REEP3: variants seen among roughly 807,000 people sequenced by gnomAD.
REEP3 encodes the protein receptor accessory protein 3, also known as receptor expression-enhancing protein 3.
A neutral mutation model predicts 41.3 loss-of-function variants in REEP3; 20 were observed. The ratio of observed to expected loss-of-function variants is 0.48; its 90% CI spans 0.34 to 0.70. The LOEUF (loss-of-function observed/expected upper bound fraction) is 0.70, where lower values mean the gene tolerates loss of function less well. Among genes scored for constraint, REEP3 ranks in the 30% least tolerant of loss-of-function variants. REEP3 has a pLI of 0.01. For synonymous variants in REEP3, 104 were observed against 101.8 expected, an observed-to-expected ratio of 1.02 and a Z score of -0.13; for missense variants, 271 against 308.8, an observed-to-expected ratio of 0.88 and a Z score of 0.92.
chr10:63,555,640 C>T (rs1396717927), intron 1 of REEP3, among the ~76,000 whole-genome samples: 3 of 152,170 alleles, frequency 2.0e-5, no homozygotes, highest in African/African-American at 7.2e-5. Context: ...AAGGATAGAG[C>T]GTGGCAAAAG....
At chr10:63,569,284 A>G (rs1464065706) in intron 2 of REEP3, among the ~76,000 whole-genome samples, 1 of 152,166 alleles carries the variant, frequency 6.6e-6, no homozygotes, top group Non-Finnish European at 1.5e-5. Context: ...TTATTAAATT[A>G]GATCTTTTTT....
rs772554479 is a variant in REEP3 at position 63,594,824 on chromosome 10, T to G, written c.152T>G (p.Ile51Ser). The change falls in exon 3 of 8, where the codon ATT becomes AGT. Residue 51 changes from isoleucine to serine, a missense_variant. Ile to Ser is a moderately radical substitution (Grantham distance 142). Coordinates refer to ENST00000373758, the MANE Select transcript of REEP3 (RefSeq NM_001001330.3). ...ATTGTTTTTGCTCTCTATACTGTGA[T>G]TGAAACAGTAGCCGATCAAACAGTT... is the stretch of plus-strand genomic sequence containing the variant. ...YWIVFALYTV[I>S]ETVADQTVAW... 6.2e-7 allele frequency: 1 copy of G among 1,612,122 alleles called. No homozygotes were observed. The highest frequency in any genetic ancestry group is 1.3e-5 in the African/African-American group (1 of 74,890).
intron 1 of REEP3, among the ~76,000 whole-genome samples, chr10:63,545,700 T>G (rs1334807798): frequency 6.9e-6 from 1 of 144,448 alleles, no homozygotes; most frequent in African/African-American, 2.6e-5. Context: ...TTTTTTTTTT[T>G]TTTTTGAGAT....
chr10:63,525,280 GA>G (rs1045785324), intron 1 of REEP3, among the ~76,000 whole-genome samples: 10 of 152,184 alleles, frequency 6.6e-5, no homozygotes, highest in Non-Finnish European at 1.2e-4. Flanking sequence ...TTTCTTAGAA[GA>G]GGCAAAGGGA....
intron 1 of REEP3, among the ~76,000 whole-genome samples, chr10:63,558,376 T>C (rs1955709748): frequency 6.6e-6 from 1 of 151,962 alleles, no homozygotes; most frequent in Non-Finnish European, 1.5e-5. Flanking sequence ...GAAGGAGGAG[T>C]AGCACAGTTA....
chr10:63,590,565 A>G (rs1956052018), intron 2 of REEP3, among the ~76,000 whole-genome samples: 1 of 151,904 alleles, frequency 6.6e-6, no homozygotes, highest in South Asian at 2.1e-4. Context: ...ACTAGGCTAC[A>G]TAGAAGGGAG....
intron 5 of REEP3, among the ~76,000 whole-genome samples, chr10:63,605,309 G>A (rs954487824): frequency 1.3e-5 from 2 of 152,166 alleles, no homozygotes; most frequent in Non-Finnish European, 2.9e-5. Context: ...TGCAAATGCA[G>A]TCAATTCCAT....
intron 1 of REEP3, among the ~76,000 whole-genome samples, chr10:63,552,585 A>G (rs1329663777): frequency 1.3e-5 from 2 of 152,190 alleles, no homozygotes; most frequent in African/African-American, 2.4e-5. Context: ...TTTTCTCCCT[A>G]GCAGAACAGT....
rs1426224758 is a variant in REEP3, at chr10:63,624,548, TATAAA to T, written c.*3685_*3689del. On this transcript the variant is annotated 3_prime_UTR_variant, in exon 8 of 8. Transcript: ENST00000373758. ...CAGGTGTGTTTTTTGATAACTTTAATATAAAATAAACTCATTTTATTTGTGGCAAT... is the reference window on the plus strand; with the variant it reads ...CAGGTGTGTTTTTTGATAACTTTAATATAAACTCATTTTATTTGTGGCAAT... The T allele has an allele frequency of 6.6e-6, 1 of 152,160 alleles. No homozygotes were observed. The highest frequency in any genetic ancestry group is 2.4e-5 in the African/African-American group (1 of 41,468). The allele number at this position is 152,160 out of a possible 1,614,324, so 9.4% of individuals were successfully genotyped here.
intron 5 of REEP3, among the ~76,000 whole-genome samples, chr10:63,606,308 CTCTG>C (rs939631492): frequency 2.7e-5 from 4 of 150,666 alleles, no homozygotes; most frequent in Non-Finnish European, 5.9e-5. Context: ...CTTTCTCTCT[CTCTG>C]TCTCTCTCTT....
intron 1 of REEP3, among the ~76,000 whole-genome samples, chr10:63,555,573 T>C (rs1955670517): frequency 6.6e-6 from 1 of 152,210 alleles, no homozygotes; most frequent in African/African-American, 2.4e-5. Flanking sequence ...TAGTCTACTC[T>C]TTGTAACTCT....
At chr10:63,531,513 C>A (rs1955420985) in intron 1 of REEP3, among the ~76,000 whole-genome samples, 2 of 152,110 alleles carry the variant, frequency 1.3e-5, no homozygotes, top group South Asian at 4.2e-4. Context: ...ATGGAGAGGG[C>A]ATGAGGCTAA....
chr10:63,587,793 T>C (rs1358007344), intron 2 of REEP3, among the ~76,000 whole-genome samples: 1 of 152,192 alleles, frequency 6.6e-6, no homozygotes, highest in Non-Finnish European at 1.5e-5. Flanking sequence ...AACAGATTCC[T>C]CATCTACCTG....
chr10:63,524,459 A>G lies in REEP3; in HGVS notation c.32+2882A>G, dbSNP rs12256347. ...CACTCTTTTTTTTTTCTTTTTTGAG[A>G]CAGAGTCTCTCTCTGTCGCCCACGC... is the stretch of plus-strand genomic sequence containing the variant. On this transcript the variant is annotated intron_variant, in intron 1 of 7. Coordinates refer to ENST00000373758, the MANE Select transcript of REEP3 (RefSeq NM_001001330.3). Among the ~76,000 whole-genome samples, 943 of 151,754 alleles carry G rather than the reference A, an allele frequency of 6.2e-3. 11 individuals carry two copies. Among genetic ancestry groups the G allele is most frequent in the African/African-American group, 0.021 (873 of 41,390 alleles).
At chr10:63,596,876 G>A (rs1956120161) in intron 3 of REEP3, among the ~76,000 whole-genome samples, 1 of 152,102 alleles carries the variant, frequency 6.6e-6, no homozygotes, top group African/African-American at 2.4e-5. Flanking sequence ...CTCCTGGGCT[G>A]AAGCAATCCT....
chr10:63,542,939 C>T (rs12257409), intron 1 of REEP3, among the ~76,000 whole-genome samples: 53,098 of 151,934 alleles, frequency 0.35, 10,088 homozygotes, highest in African/African-American at 0.48. Context: ...AGAGTAGCAT[C>T]GTGCAGCCCT....
intron 2 of REEP3, among the ~76,000 whole-genome samples, chr10:63,568,671 T>C (rs1437375297): frequency 6.6e-6 from 1 of 150,416 alleles, no homozygotes; most frequent in Non-Finnish European, 1.5e-5. Context: ...TTTTTTTTTT[T>C]TGAGACAGGG....
chr10:63,541,094 CA>C (rs1955523999), intron 1 of REEP3, among the ~76,000 whole-genome samples: 1 of 152,090 alleles, frequency 6.6e-6, no homozygotes. Flanking sequence ...CTACTAAAAG[CA>C]TTTATTTTAA....
chr10:63,586,221 C>T (rs547798170), intron 2 of REEP3, among the ~76,000 whole-genome samples: 10 of 152,164 alleles, frequency 6.6e-5, no homozygotes, highest in South Asian at 4.2e-4. Flanking sequence ...ATCACATGAC[C>T]GTCTGGATTT....
Sources: allele counts gnomAD v4.1 joint callset (sites outside exome capture counted in the v4.1 genomes callset), GRCh38; gene constraint gnomAD v4.1.1; transcripts MANE v1.5; gene names NCBI Gene and HGNC (gene_info 2026-07-23, HGNC 2026-07-21).